Variants in GABRG3 observed in about 807,000 individuals in gnomAD.
GABRG3 encodes gamma-aminobutyric acid receptor subunit gamma-3.
Under a neutral mutation model 48.8 loss-of-function variants are expected in GABRG3, and 25 were observed. That is an observed-to-expected ratio of 0.51 (90% CI 0.37 to 0.72). The LOEUF (loss-of-function observed/expected upper bound fraction) is 0.72. Among genes scored for constraint, GABRG3 ranks in the 30% least tolerant of loss-of-function variants. GABRG3 has a pLI of 0.00. For synonymous variants in GABRG3, 227 were observed against 217.6 expected, an observed-to-expected ratio of 1.04 and a Z score of -0.38; for missense variants, 394 against 577.9, an observed-to-expected ratio of 0.68 and a Z score of 3.26.
chr15:27,324,515 A>G (rs965654225), intron 3 of GABRG3, among the ~76,000 whole-genome samples: 1 of 152,120 alleles, frequency 6.6e-6, no homozygotes, highest in African/African-American at 2.4e-5. Flanking sequence ...TTCTTTTTCC[A>G]TTAACCATTT....
intron 3 of GABRG3, among the ~76,000 whole-genome samples, chr15:27,166,389 G>A (rs1887371492): frequency 6.6e-6 from 1 of 152,132 alleles, no homozygotes; most frequent in Non-Finnish European, 1.5e-5. Context: ...GCCCTAATGT[G>A]GACAACATCT....
In GABRG3 at chr15:27,026,747, T is replaced by C. The variant is rs1895989985; in HGVS notation, c.203-7T>C. On this transcript the variant is annotated splice_region_variant and splice_polypyrimidine_tract_variant and intron_variant, in intron 2 of 9. Transcript: ENST00000615808. ...AAGTATTAACATACATGTATTTTTC[T>C]CCACAGTAAAACCGACCGTAATTGA... 6.2e-7 allele frequency: 1 copy of C among 1,608,390 alleles called. No homozygotes were observed. Among genetic ancestry groups the C allele is most frequent in the African/African-American group, 1.3e-5 (1 of 74,834 alleles).
intron 3 of GABRG3, among the ~76,000 whole-genome samples, chr15:27,322,740 C>T (rs1013477824): frequency 2.6e-5 from 4 of 152,186 alleles, no homozygotes; most frequent in African/African-American, 4.8e-5. Context: ...TGGGGTTCTT[C>T]TACACGCCCC....
At chr15:27,017,053 G>A (rs1895791688) in intron 2 of GABRG3, among the ~76,000 whole-genome samples, 1 of 151,840 alleles carries the variant, frequency 6.6e-6, no homozygotes, top group Non-Finnish European at 1.5e-5. Context: ...ACATCCTTAC[G>A]ACAGTTATTT....
At chr15:27,335,266 T>G (rs1306673158) in intron 5 of GABRG3, among the ~76,000 whole-genome samples, 1 of 149,826 alleles carries the variant, frequency 6.7e-6, no homozygotes, top group Non-Finnish European at 1.5e-5. Flanking sequence ...GAAGTGGAAT[T>G]GCTGGACCAT....
intron 3 of GABRG3, among the ~76,000 whole-genome samples, chr15:27,301,734 C>T (rs937645466): frequency 1.3e-5 from 2 of 152,002 alleles, no homozygotes; most frequent in African/African-American, 4.8e-5. Context: ...TGGTAGATGA[C>T]TAAAACCTAA....
chr15:27,317,869 C>T (rs1384546345), intron 3 of GABRG3, among the ~76,000 whole-genome samples: 1 of 149,320 alleles, frequency 6.7e-6, no homozygotes, highest in East Asian at 1.9e-4. Context: ...TTCTGCACAT[C>T]CTTAGCTCAT....
intron 3 of GABRG3, among the ~76,000 whole-genome samples, chr15:27,276,829 G>A (rs190166501): frequency 2.4e-3 from 361 of 152,282 alleles, no homozygotes; most frequent in African/African-American, 8.2e-3. Flanking sequence ...TGTGAGACAC[G>A]TATTTTATGT....
intron 3 of GABRG3, among the ~76,000 whole-genome samples, chr15:27,118,521 A>C (rs1029567835): frequency 9.9e-5 from 15 of 152,206 alleles, no homozygotes; most frequent in Non-Finnish European, 1.8e-4. Context: ...CTTAATATAC[A>C]ACTACTGTGC....
rs184449444 is a variant in GABRG3, at chr15:27,324,087, A to G, written c.271-2722A>G. 1.7e-3 allele frequency among the ~76,000 whole-genome samples: 259 copies of G among 152,326 alleles called. 1 individual carries two copies. The highest frequency in any genetic ancestry group is 5.9e-3 in the African/African-American group (247 of 41,596). On this transcript the variant is annotated intron_variant, in intron 3 of 9. Coordinates refer to ENST00000615808, the MANE Select transcript of GABRG3 (RefSeq NM_033223.5). ...TATTTGGCAAACAGCACCAATGACT[A>G]TCATGATCTGTATCTAGCCACTGAA...
At chr15:27,369,450 C>T (rs1467359407) in intron 5 of GABRG3, among the ~76,000 whole-genome samples, 1 of 152,202 alleles carries the variant, frequency 6.6e-6, no homozygotes, top group Non-Finnish European at 1.5e-5. Context: ...TGAAATGATG[C>T]AGCCATGCTG....
At chr15:27,529,627 G>T (rs1420274606) in intron 9 of GABRG3, among the ~76,000 whole-genome samples, 1 of 151,478 alleles carries the variant, frequency 6.6e-6, no homozygotes, top group East Asian at 2.0e-4. Flanking sequence ...CTTCCAGAAC[G>T]TTAGTGGGCA....
chr15:27,285,162 A>G (rs1386888557), intron 3 of GABRG3, among the ~76,000 whole-genome samples: 6 of 152,032 alleles, frequency 3.9e-5, no homozygotes, highest in African/African-American at 1.4e-4. Flanking sequence ...TGTAGTTTCC[A>G]GAATTTTAGA....
At chr15:27,521,802 T>G (rs1255656402) in intron 7 of GABRG3, among the ~76,000 whole-genome samples, 2 of 151,986 alleles carry the variant, frequency 1.3e-5, no homozygotes, top group East Asian at 1.9e-4. Flanking sequence ...AGATGAAATT[T>G]ATCTAATCTG....
chr15:27,256,051 G>T (rs1414308576), intron 3 of GABRG3, among the ~76,000 whole-genome samples: 1 of 152,158 alleles, frequency 6.6e-6, no homozygotes, highest in Non-Finnish European at 1.5e-5. Context: ...ATTTTGGGAT[G>T]GGGAGGTTAT....
intron 3 of GABRG3, among the ~76,000 whole-genome samples, chr15:27,214,142 A>G (rs1889163336): frequency 6.6e-6 from 1 of 152,204 alleles, no homozygotes; most frequent in African/African-American, 2.4e-5. Context: ...GATGGGCTCA[A>G]TGTCAGGATT....
At position 27,528,131 on chromosome 15, in the gene GABRG3, T is replaced by A. The variant is rs114696059; in HGVS notation, c.1122+139T>A. The A allele has an allele frequency of 1.5e-3, 1,050 of 685,582 alleles. 6 individuals are homozygous for A. The African/African-American group carries it at 0.018, about 11-fold the overall frequency. 42.5% of individuals were successfully genotyped at this position (685,582 alleles called of 1,614,324 possible). Reference sequence around the variant, plus strand: ...GCACATGCTGACTTCAAAAATGTGTTTAGTATTAGGTTAAAAATCCAACTT... The same window carrying A: ...GCACATGCTGACTTCAAAAATGTGTATAGTATTAGGTTAAAAATCCAACTT... On this transcript the variant is annotated intron_variant, in intron 9 of 9. Transcript: ENST00000615808.
At chr15:27,350,838 T>G (rs1487593601) in intron 5 of GABRG3, among the ~76,000 whole-genome samples, 1 of 152,154 alleles carries the variant, frequency 6.6e-6, no homozygotes, top group East Asian at 1.9e-4. Flanking sequence ...TCCACAGCCC[T>G]TTATCAAGCC....
intron 3 of GABRG3, among the ~76,000 whole-genome samples, chr15:27,040,526 T>C (rs1896257430): frequency 2.0e-5 from 3 of 152,334 alleles, no homozygotes; most frequent in Admixed American, 1.3e-4. Flanking sequence ...AATTTGATTT[T>C]ATAATACAGA....
Sources: gnomAD v4.1 joint callset for allele counts (sites outside exome capture counted in the v4.1 genomes callset) on GRCh38, gnomAD v4.1.1 for gene constraint, MANE v1.5 for transcripts, NCBI Gene and HGNC (gene_info 2026-07-23, HGNC 2026-07-21) for gene names.